Variants in EDAR observed in about 807,000 individuals in gnomAD.
EDAR encodes the protein tumor necrosis factor receptor superfamily member EDAR.
EDAR carries 38 observed loss-of-function variants against 51.3 expected under a neutral mutation model. The ratio of observed to expected loss-of-function variants is 0.74; its 90% confidence interval spans 0.57 to 0.97. The LOEUF (loss-of-function observed/expected upper bound fraction) is 0.97. EDAR is among the 50% of genes least tolerant of loss of function. The pLI is 0.00. For missense variants in EDAR, 528 were observed against 595.0 expected (o/e 0.89, Z 1.17); for synonymous variants, 227 against 242.1 (o/e 0.94, Z 0.58).
intron 1 of EDAR, among the ~76,000 whole-genome samples, chr2:108,973,657 G>C (rs1041474171): frequency 6.6e-6 from 1 of 152,150 alleles, no homozygotes; most frequent in Non-Finnish European, 1.5e-5. Flanking sequence ...TCCAGGGGTC[G>C]TGTGTCCTAG....
At chr2:108,969,919 A>G (rs1408445346) in intron 1 of EDAR, among the ~76,000 whole-genome samples, 1 of 152,254 alleles carries the variant, frequency 6.6e-6, no homozygotes, top group Admixed American at 6.5e-5. Flanking sequence ...CCAGAGTTCA[A>G]TCTGGGTCAT....
chr2:108,963,934 C>A (rs1698101566), intron 1 of EDAR, among the ~76,000 whole-genome samples: 1 of 152,138 alleles, frequency 6.6e-6, no homozygotes, highest in East Asian at 1.9e-4. Context: ...GGAGCATGGG[C>A]CAATCCTGGA....
chr2:108,911,112 G>C, intron 6 of EDAR, 40 bp from the exon 7 acceptor site: 1 of 1,613,408 alleles, frequency 6.2e-7, no homozygotes, highest in Non-Finnish European at 8.5e-7. Context: ...CAGAGCTCAG[G>C]ATCCCTGCTG....
intron 1 of EDAR, among the ~76,000 whole-genome samples, chr2:108,985,224 T>G (rs964279736): frequency 1.2e-4 from 19 of 152,232 alleles, no homozygotes; most frequent in African/African-American, 4.3e-4. Flanking sequence ...ACATCAGCCT[T>G]AAGCCCACCA....
At chr2:108,939,055 G>A (rs1006679181) in intron 1 of EDAR, among the ~76,000 whole-genome samples, 2 of 151,988 alleles carry the variant, frequency 1.3e-5, no homozygotes, top group African/African-American at 4.8e-5. Context: ...TGGGATTACA[G>A]GCATGAGCCA....
chr2:108,914,589 A>G (rs999728365), intron 5 of EDAR, among the ~76,000 whole-genome samples: 1 of 152,196 alleles, frequency 6.6e-6, no homozygotes, highest in African/African-American at 2.4e-5. Flanking sequence ...ACATTCCACC[A>G]CAGAAGAGAC....
At chr2:108,924,366 G>C (rs1697211757) in intron 4 of EDAR, among the ~76,000 whole-genome samples, 1 of 152,158 alleles carries the variant, frequency 6.6e-6, no homozygotes, top group African/African-American at 2.4e-5. Flanking sequence ...CCTTCCCTCT[G>C]CAGGCTCTAG....
At chr2:108,921,300 G>A (rs369875100) in intron 5 of EDAR, among the ~76,000 whole-genome samples, 10 of 152,156 alleles carry the variant, frequency 6.6e-5, no homozygotes, top group South Asian at 2.1e-4. Context: ...CTGCAGCTGC[G>A]ACCCATTGTC....
At chr2:108,929,717 G>T (rs568199361) in intron 3 of EDAR, among the ~76,000 whole-genome samples, 1 of 152,284 alleles carries the variant, frequency 6.6e-6, no homozygotes, top group East Asian at 1.9e-4. Context: ...CTGAAACCCC[G>T]GAGGTTTCCC....
chr2:108,988,886 T>C (rs561693478), intron 1 of EDAR, 74 bp downstream of exon 1: 1 of 152,342 alleles, frequency 6.6e-6, no homozygotes, highest in East Asian at 1.9e-4. Flanking sequence ...CCAGCCTCTC[T>C]CCCAGCCCAT....
At chr2:108,906,176 T>C (rs1051206613) in intron 11 of EDAR, 132 bp downstream of exon 11, 2 of 899,662 alleles carry the variant, frequency 2.2e-6, no homozygotes, top group Non-Finnish European at 3.7e-6. Flanking sequence ...CCAGCGGCCA[T>C]TCTGACCAAA....
chr2:108,975,315 C>G (rs1270514906), intron 1 of EDAR, among the ~76,000 whole-genome samples: 1 of 152,194 alleles, frequency 6.6e-6, no homozygotes, highest in African/African-American at 2.4e-5. Flanking sequence ...GGTTCCCACC[C>G]GTGTCTTCTA....
intron 1 of EDAR, among the ~76,000 whole-genome samples, chr2:108,949,009 C>T (rs1697770919): frequency 6.6e-6 from 1 of 152,184 alleles, no homozygotes; most frequent in African/African-American, 2.4e-5. Context: ...CAGAGTCTCA[C>T]TCTGTCACCC....
intron 5 of EDAR, among the ~76,000 whole-genome samples, chr2:108,913,683 A>T (rs1398010444): frequency 6.6e-6 from 1 of 152,174 alleles, no homozygotes; most frequent in Non-Finnish European, 1.5e-5. Flanking sequence ...ATCTTTACGT[A>T]GTATGGGTAT....
intron 6 of EDAR, among the ~76,000 whole-genome samples, chr2:108,911,703 CTAAAA>C (rs1696932218): frequency 6.6e-6 from 1 of 152,156 alleles, no homozygotes; most frequent in Admixed American, 6.5e-5. Flanking sequence ...TTCTCATTCT[CTAAAA>C]TAACCAAACA....
intron 10 of EDAR, among the ~76,000 whole-genome samples, chr2:108,906,583 T>G (rs1277501134): frequency 1.3e-5 from 2 of 152,146 alleles, no homozygotes; most frequent in Non-Finnish European, 2.9e-5. Flanking sequence ...CACGGGTGCG[T>G]CTTAGGCTCA....
intron 1 of EDAR, among the ~76,000 whole-genome samples, chr2:108,955,392 A>G (rs1697900089): frequency 6.6e-6 from 1 of 152,242 alleles, no homozygotes; most frequent in African/African-American, 2.4e-5. Flanking sequence ...ATCATAACCC[A>G]TTAATTTTGG....
At chr2:108,965,408 G>A (rs1039249696) in intron 1 of EDAR, among the ~76,000 whole-genome samples, 4 of 151,160 alleles carry the variant, frequency 2.6e-5, no homozygotes, top group South Asian at 2.1e-4. Context: ...ATGAACCCGG[G>A]AGGCCGAGGT....
intron 11 of EDAR, among the ~76,000 whole-genome samples, chr2:108,902,203 G>A (rs1212199512): frequency 4.3e-5 from 6 of 139,770 alleles, no homozygotes; most frequent in African/African-American, 1.7e-4. Context: ...GTGAGACTCC[G>A]TCTCAAAAAA....
Sources: gnomAD v4.1 joint callset for allele counts (sites outside exome capture counted in the v4.1 genomes callset) on GRCh38, gnomAD v4.1.1 for gene constraint, MANE v1.5 for transcripts, NCBI Gene and HGNC (gene_info 2026-07-23, HGNC 2026-07-21) for gene names.